Variants in RPS6KA2 observed in about 807,000 individuals in gnomAD.
RPS6KA2 encodes ribosomal protein S6 kinase alpha-2.
In RPS6KA2, 42 loss-of-function variants were observed where a neutral mutation model predicts 91.8. The ratio of observed to expected loss-of-function variants is 0.46; its 90% CI spans 0.36 to 0.59. RPS6KA2 has a LOEUF of 0.59. RPS6KA2 is among the 20% of genes least tolerant of loss of function. The pLI is 0.00. For synonymous variants in RPS6KA2, 414 were observed against 393.6 expected, an observed-to-expected ratio of 1.05 and a Z score of -0.61; for missense variants, 798 against 978.5, an observed-to-expected ratio of 0.82 and a Z score of 2.46.
intron 8 of RPS6KA2, among the ~76,000 whole-genome samples, chr6:166,492,421 A>G (rs1036877199): frequency 1.3e-5 from 2 of 152,226 alleles, no homozygotes; most frequent in Admixed American, 1.3e-4. Context: ...ACAGGATGAA[A>G]GTTTATAAGC....
chr6:166,588,547 T>A (rs1785258262), intron 1 of RPS6KA2, among the ~76,000 whole-genome samples: 1 of 152,178 alleles, frequency 6.6e-6, no homozygotes, highest in African/African-American at 2.4e-5. Flanking sequence ...GACACCAGAA[T>A]CTGGGGAAAT....
intron 2 of RPS6KA2, among the ~76,000 whole-genome samples, chr6:166,763,888 G>A (rs1778236066): frequency 6.6e-6 from 1 of 152,222 alleles, no homozygotes; most frequent in Non-Finnish European, 1.5e-5. Context: ...GTCCTTTAAA[G>A]ATTGTTTTCA....
chr6:166,754,903 T>G (rs977280372), intron 2 of RPS6KA2, among the ~76,000 whole-genome samples: 2 of 152,148 alleles, frequency 1.3e-5, no homozygotes, highest in Non-Finnish European at 2.9e-5. Context: ...TGTCGCTCAC[T>G]CGTCACAGGG....
chr6:166,503,952 C>A (rs1250787964), intron 6 of RPS6KA2, among the ~76,000 whole-genome samples: 1 of 152,196 alleles, frequency 6.6e-6, no homozygotes, highest in African/African-American at 2.4e-5. Flanking sequence ...TAGGTAAGTT[C>A]TTGGGAGAGC....
At chr6:166,822,320 C>T (rs1405356662) in intron 2 of RPS6KA2, among the ~76,000 whole-genome samples, 1 of 152,172 alleles carries the variant, frequency 6.6e-6, no homozygotes, top group Non-Finnish European at 1.5e-5. Context: ...ACAAGGGGAA[C>T]CCTAAGCCAA....
At chr6:166,651,482 T>C (rs1410331095) in intron 2 of RPS6KA2, among the ~76,000 whole-genome samples, 7 of 152,246 alleles carry the variant, frequency 4.6e-5, no homozygotes, top group African/African-American at 1.7e-4. Context: ...GTGGGCTCTT[T>C]TGTTGCTTAG....
chr6:166,734,541 C>A (rs891326458), intron 2 of RPS6KA2, among the ~76,000 whole-genome samples: 2 of 152,130 alleles, frequency 1.3e-5, no homozygotes, highest in Admixed American at 1.3e-4. Context: ...TAGGAGGTTC[C>A]CGGCAATCAT....
At chr6:166,428,801 G>T (rs1368653577) in intron 16 of RPS6KA2, among the ~76,000 whole-genome samples, 3 of 152,064 alleles carry the variant, frequency 2.0e-5, no homozygotes, top group Non-Finnish European at 2.9e-5. Flanking sequence ...TGCTGGAGAG[G>T]ATGTGGAGAA....
At chr6:166,713,063 C>T (rs1789912206) in intron 2 of RPS6KA2, among the ~76,000 whole-genome samples, 1 of 152,182 alleles carries the variant, frequency 6.6e-6, no homozygotes, top group African/African-American at 2.4e-5. Flanking sequence ...CTGGAGGTGG[C>T]GTCCTTCCCC....
rs187160312 is a variant in RPS6KA2 at position 166,461,789 on chromosome 6, G to A, written c.973-2238C>T. Among the ~76,000 whole-genome samples, 177 of 152,280 alleles carry A rather than the reference G, an allele frequency of 1.2e-3. 1 individual carries two copies. The highest frequency in any genetic ancestry group is 3.8e-3 in the African/African-American group (158 of 41,558). On this transcript the variant is annotated intron_variant, in intron 11 of 20. Transcript: ENST00000265678. ...CCTCCGGAAAGCAGGGGCCCACATG[G>A]CCCCTCTAGCTCCTCTCCTCCGTGC...
intron 2 of RPS6KA2, among the ~76,000 whole-genome samples, chr6:166,848,007 A>G (rs1279245446): frequency 6.6e-6 from 1 of 152,242 alleles, no homozygotes; most frequent in Admixed American, 6.5e-5. Context: ...TTCACAACCT[A>G]TACATCCAAC....
chr6:166,764,055 C>T (rs1293493649), intron 2 of RPS6KA2, among the ~76,000 whole-genome samples: 4 of 152,164 alleles, frequency 2.6e-5, no homozygotes, highest in South Asian at 2.1e-4. Context: ...GAGTTGTGAG[C>T]GTGAGGAATT....
At chr6:166,487,951 G>A (rs1781464376) in intron 10 of RPS6KA2, among the ~76,000 whole-genome samples, 1 of 152,208 alleles carries the variant, frequency 6.6e-6, no homozygotes, top group Non-Finnish European at 1.5e-5. Flanking sequence ...ATGTGGGGAA[G>A]AAGTTAAATG....
At position 166,459,428 on chromosome 6, in the gene RPS6KA2, G is replaced by C; in HGVS notation, c.1075+21C>G. 6.4e-7 allele frequency: 1 copy of C among 1,564,142 alleles called. No homozygotes were observed. Among genetic ancestry groups the C allele is most frequent in the Non-Finnish European group, 8.8e-7 (1 of 1,135,572 alleles). Reference sequence around the variant, plus strand: ...TCAGGTGGGAGAAGCCACCGATAGAGGGAACCACTGTGGCACACACCTGTG... The same window carrying C: ...TCAGGTGGGAGAAGCCACCGATAGACGGAACCACTGTGGCACACACCTGTG... On this transcript the variant is annotated intron_variant, in intron 12 of 20. Coordinates refer to ENST00000265678, the MANE Select transcript of RPS6KA2 (RefSeq NM_021135.6). This position sits in a 1 kb window ranked among gnomAD's most constrained non-coding sequence, Gnocchi z 4.9.
intron 1 of RPS6KA2, among the ~76,000 whole-genome samples, chr6:166,573,319 C>A (rs1300871494): frequency 6.6e-6 from 1 of 152,234 alleles, no homozygotes; most frequent in Non-Finnish European, 1.5e-5. Context: ...ACGGGCAGCA[C>A]CCTCGTGCAA....
At chr6:166,628,343 C>T (rs953583078), upstream of RPS6KA2, among the ~76,000 whole-genome samples, 1 of 152,206 alleles carries the variant, frequency 6.6e-6, no homozygotes, top group African/African-American at 2.4e-5. Context: ...AGGGAGAAAC[C>T]GAGCCCATTG....
At chr6:166,442,978 A>T (rs184312850) in intron 14 of RPS6KA2, among the ~76,000 whole-genome samples, 23 of 152,284 alleles carry the variant, frequency 1.5e-4, no homozygotes, top group Non-Finnish European at 5.9e-5. Context: ...ACTTCGCCAA[A>T]ACCTAACTAA....
At chr6:166,467,512 T>C (rs1254147397) in intron 11 of RPS6KA2, among the ~76,000 whole-genome samples, 1 of 152,076 alleles carries the variant, frequency 6.6e-6, no homozygotes, top group African/African-American at 2.4e-5. Context: ...GCAGGACAGG[T>C]CTCATAAGAT....
intron 20 of RPS6KA2, among the ~76,000 whole-genome samples, chr6:166,413,195 C>T (rs1394403004): frequency 2.0e-5 from 3 of 151,620 alleles, no homozygotes; most frequent in African/African-American, 7.3e-5. Context: ...TCACGTGATC[C>T]CCTGCATTCT....
Sources: gnomAD v4.1 joint callset for allele counts (sites outside exome capture counted in the v4.1 genomes callset) on GRCh38, gnomAD v4.1.1 for gene constraint, Gnocchi (gnomAD v3.1) non-coding constraint, MANE v1.5 for transcripts, NCBI Gene and HGNC (gene_info 2026-07-23, HGNC 2026-07-21) for gene names.